CSMD3: variants seen among roughly 807,000 people sequenced by gnomAD.
The protein encoded by CSMD3 is CUB and Sushi multiple domains 3.
CSMD3 carries 177 observed loss-of-function variants against 435.2 expected under a neutral mutation model. The observed-to-expected ratio is 0.41, with a 90% CI of 0.36 to 0.46. The LOEUF (loss-of-function observed/expected upper bound fraction) is 0.46. Among genes scored for constraint, CSMD3 ranks in the 20% least tolerant of loss-of-function variants. The pLI is 0.34. For synonymous variants in CSMD3, 1,656 were observed against 1,520.5 expected (o/e 1.09, Z -2.07); for missense variants, 4,265 against 4,504.6 (o/e 0.95, Z 1.52).
chr8:112,466,454 G>T (rs1177760042), intron 32 of CSMD3, among the ~76,000 whole-genome samples: 2 of 152,174 alleles, frequency 1.3e-5, no homozygotes, highest in South Asian at 4.1e-4. Context: ...TCAAATATAT[G>T]TGTGAATTTT....
intron 6 of CSMD3, among the ~76,000 whole-genome samples, chr8:112,987,376 A>G (rs946012861): frequency 1.3e-5 from 2 of 152,134 alleles, no homozygotes; most frequent in African/African-American, 2.4e-5. Context: ...CTATAAACGT[A>G]TTTGACATTC....
chr8:113,090,156 G>A (rs1231733792), intron 5 of CSMD3, among the ~76,000 whole-genome samples: 1 of 151,990 alleles, frequency 6.6e-6, no homozygotes, highest in Non-Finnish European at 1.5e-5. Context: ...GCCATCAAAG[G>A]ATTTTGGGGC....
intron 42 of CSMD3, among the ~76,000 whole-genome samples, chr8:112,339,842 T>A (rs1341634139): frequency 1.3e-5 from 2 of 152,208 alleles, no homozygotes. Context: ...TACATAAATG[T>A]AGCACAAAAA....
chr8:112,479,172 G>A (rs1241030946), intron 31 of CSMD3, among the ~76,000 whole-genome samples: 1 of 152,196 alleles, frequency 6.6e-6, no homozygotes, highest in Non-Finnish European at 1.5e-5. Context: ...GCCCAGGTGG[G>A]GTGTCGCTGG....
chr8:112,487,203 T>C (rs72676627), intron 31 of CSMD3, among the ~76,000 whole-genome samples: 3,162 of 152,276 alleles, frequency 0.021, 49 homozygotes, highest in Middle Eastern at 0.034. Context: ...ATTCAGGATA[T>C]AGAGTTGCAA....
intron 4 of CSMD3, among the ~76,000 whole-genome samples, chr8:113,100,394 C>T (rs1369998394): frequency 3.3e-5 from 5 of 152,042 alleles, no homozygotes; most frequent in Non-Finnish European, 7.4e-5. Flanking sequence ...CGTCTCTACC[C>T]TCAACCATAA....
intron 25 of CSMD3, among the ~76,000 whole-genome samples, chr8:112,555,500 A>C (rs961392384): frequency 2.0e-5 from 3 of 151,988 alleles, no homozygotes; most frequent in Non-Finnish European, 2.9e-5. Context: ...ATTATTGATC[A>C]TATTCCAGCT....
In CSMD3 at chr8:113,348,718, T is replaced by C. The variant is rs189794847; in HGVS notation, c.179-33925A>G. ...ACAGAAGGAATGCTCAAAGACACAG[T>C]TCTTATTGTTGTTTTGGGGTTTTTT... On this transcript the variant is annotated intron_variant, in intron 1 of 70. Transcript: ENST00000297405. 3.9e-5 allele frequency among the ~76,000 whole-genome samples: 6 copies of C among 152,036 alleles called. No homozygotes were observed. In the East Asian group the frequency reaches 1.2e-3, roughly 29 times the overall value.
At chr8:112,952,154 G>GA (rs879901429) in intron 8 of CSMD3, among the ~76,000 whole-genome samples, 171 of 141,262 alleles carry the variant, frequency 1.2e-3, no homozygotes, top group Middle Eastern at 3.6e-3. Context: ...TATAAAAGCT[G>GA]AAAAAAAAAA....
intron 5 of CSMD3, among the ~76,000 whole-genome samples, chr8:113,058,066 C>T (rs190459452): frequency 6.6e-6 from 1 of 151,736 alleles, no homozygotes; most frequent in Non-Finnish European, 1.5e-5. Flanking sequence ...ACTGAATATG[C>T]TGTTCTTCAT....
intron 7 of CSMD3, among the ~76,000 whole-genome samples, chr8:112,974,134 G>A (rs921073102): frequency 5.9e-5 from 9 of 151,800 alleles, no homozygotes; most frequent in African/African-American, 2.2e-4. Flanking sequence ...ATCTACCCGG[G>A]AAGTACTCTT....
chr8:112,401,631 G>A (rs1159771697), intron 35 of CSMD3, among the ~76,000 whole-genome samples: 1 of 152,008 alleles, frequency 6.6e-6, no homozygotes, highest in East Asian at 1.9e-4. Flanking sequence ...ATTTCTTTAA[G>A]TACACTCCTC....
chr8:112,361,930 T>C (rs199616521), intron 38 of CSMD3, among the ~76,000 whole-genome samples: 1 of 151,804 alleles, frequency 6.6e-6, no homozygotes, highest in East Asian at 1.9e-4. Flanking sequence ...ATTTTCATCT[T>C]TTCTCTAAAT....
At chr8:112,920,451 G>A (rs1241327516) in intron 10 of CSMD3, among the ~76,000 whole-genome samples, 3 of 151,804 alleles carry the variant, frequency 2.0e-5, no homozygotes, top group Non-Finnish European at 4.4e-5. Flanking sequence ...ATCTCAATGA[G>A]ATAATAGTTC....
intron 5 of CSMD3, among the ~76,000 whole-genome samples, chr8:113,068,334 T>C (rs908223949): frequency 4.6e-5 from 7 of 152,128 alleles, no homozygotes; most frequent in Non-Finnish European, 8.8e-5. Context: ...TCATGTAACC[T>C]TATATTCCAA....
At chr8:113,289,901 AT>A (rs940663817) in intron 2 of CSMD3, among the ~76,000 whole-genome samples, 86 of 151,778 alleles carry the variant, frequency 5.7e-4, no homozygotes, top group African/African-American at 1.9e-3. Context: ...GGCTCCTTCT[AT>A]TTCCCAGAAA....
intron 4 of CSMD3, among the ~76,000 whole-genome samples, chr8:113,114,606 A>G (rs893439848): frequency 2.0e-5 from 3 of 152,192 alleles, no homozygotes. Flanking sequence ...GGGTTAGTAC[A>G]GTAATTTTTT....
chr8:113,071,703 G>C (rs964458581), intron 5 of CSMD3, among the ~76,000 whole-genome samples: 9 of 151,648 alleles, frequency 5.9e-5, no homozygotes, highest in African/African-American at 1.9e-4. Flanking sequence ...TTGATTACTG[G>C]ATATTTGTAA....
At chr8:112,977,324 T>C (rs538927111) in intron 6 of CSMD3, among the ~76,000 whole-genome samples, 2 of 152,124 alleles carry the variant, frequency 1.3e-5, no homozygotes, top group South Asian at 2.1e-4. Flanking sequence ...GTGGTATATG[T>C]TTTTATACAC....
Sources: allele counts gnomAD v4.1 joint callset (sites outside exome capture counted in the v4.1 genomes callset), GRCh38; gene constraint gnomAD v4.1.1; transcripts MANE v1.5; gene names NCBI Gene and HGNC (gene_info 2026-07-23, HGNC 2026-07-21).